The following IQSEC1 variants were observed in gnomAD, a reference collection of about 807,000 sequenced individuals.
The protein encoded by IQSEC1 is IQ motif and SEC7 domain-containing protein 1.
IQSEC1 carries 31 observed loss-of-function variants against 91.0 expected under a neutral mutation model. That is an observed-to-expected ratio of 0.34 (90% CI 0.26 to 0.46). The LOEUF (loss-of-function observed/expected upper bound fraction) is 0.46, where lower values mean the gene tolerates loss of function less well. Ranked by LOEUF, IQSEC1 falls within the 20% of genes least tolerant of loss-of-function variation. IQSEC1 has a pLI of 1.00. For synonymous variants in IQSEC1, 699 were observed against 662.6 expected (o/e 1.05, Z -0.84); for missense variants, 1,388 against 1,575.6 (o/e 0.88, Z 2.02).
chr3:13,085,552 GAGACGGGGTGTCCAGCTGCAGCC>G (rs1204944198), intron 2 of IQSEC1, among the ~76,000 whole-genome samples: 1 of 152,224 alleles, frequency 6.6e-6, no homozygotes, highest in Non-Finnish European at 1.5e-5. Context: ...GAGCCTGCAG[GAGACGGGGTGTCCAGCTGCAGCC>G]AGGTGGGTCC....
intron 2 of IQSEC1, among the ~76,000 whole-genome samples, chr3:13,148,884 C>T (rs9864101): frequency 0.58 from 88,178 of 152,190 alleles, 25,617 homozygotes; most frequent in South Asian, 0.62. Flanking sequence ...GGCGAGACCC[C>T]CTGAAGGGTA....
intron 1 of IQSEC1, among the ~76,000 whole-genome samples, chr3:13,013,089 T>G (rs1327837248): frequency 6.8e-6 from 1 of 146,692 alleles, no homozygotes; most frequent in African/African-American, 2.5e-5. Flanking sequence ...GCCTCCCAAG[T>G]AGCTGGGATT....
At chr3:12,965,415 C>T (rs2125508781) in intron 1 of IQSEC1, among the ~76,000 whole-genome samples, 1 of 152,354 alleles carries the variant, frequency 6.6e-6, no homozygotes, top group African/African-American at 2.4e-5. Context: ...GAGCATCTAG[C>T]TCTGCCTCCA....
chr3:13,279,117 G>A (rs1257262602), intron 1 of IQSEC1, among the ~76,000 whole-genome samples: 1 of 152,196 alleles, frequency 6.6e-6, no homozygotes, highest in Non-Finnish European at 1.5e-5. Context: ...TTGGGTCTGG[G>A]TGATTTTCAA....
intron 3 of IQSEC1, among the ~76,000 whole-genome samples, chr3:12,931,534 C>A (rs1243494256): frequency 6.6e-6 from 1 of 152,216 alleles, no homozygotes; most frequent in East Asian, 1.9e-4. Context: ...CTGCACAGGC[C>A]GGCTCTGCTC....
intron 1 of IQSEC1, among the ~76,000 whole-genome samples, chr3:13,272,020 T>C (rs942765452): frequency 1.3e-4 from 20 of 152,182 alleles, no homozygotes; most frequent in African/African-American, 4.8e-4. Context: ...TTCTCCAGGA[T>C]AGACTGCATC....
chr3:12,985,626 G>C (rs724442), intron 1 of IQSEC1, among the ~76,000 whole-genome samples: 29,306 of 152,236 alleles, frequency 0.19, 3,179 homozygotes, highest in African/African-American at 0.29. Context: ...GGTTCCCCAG[G>C]CCAGAGTGGG....
chr3:12,921,466 G>A (rs114595652), intron 5 of IQSEC1, among the ~76,000 whole-genome samples: 134 of 152,356 alleles, frequency 8.8e-4, no homozygotes, highest in African/African-American at 2.6e-3. Context: ...CAGTCTGCAC[G>A]TGATCCCAGA....
intron 1 of IQSEC1, among the ~76,000 whole-genome samples, chr3:13,219,302 C>A (rs1317312961): frequency 1.3e-5 from 2 of 152,200 alleles, no homozygotes; most frequent in Non-Finnish European, 2.9e-5. Flanking sequence ...TCAGCGGACT[C>A]CAGAACTGGC....
chr3:13,151,018 G>C (rs1303676145), intron 2 of IQSEC1, among the ~76,000 whole-genome samples: 3 of 152,230 alleles, frequency 2.0e-5, no homozygotes, highest in Non-Finnish European at 4.4e-5. Flanking sequence ...CCAGGATGGA[G>C]CTGCAGCCTC....
In IQSEC1 at chr3:12,908,410, G is replaced by A; in HGVS notation, c.2694C>T (p.Ala898=). Residue 898 remains alanine (A), a synonymous_variant, in exon 12 of 14, where the codon GCC becomes GCT. Coordinates refer to ENST00000613206, the MANE Select transcript of IQSEC1 (RefSeq NM_001134382.3). This position sits in a 1 kb window ranked among gnomAD's most constrained non-coding sequence, Gnocchi z 4.9. ...CGCTGCGCTTGAGGCCCTCACCGCT[G>A]GCATAGCTGTCGTCCAGGCAGGCCC... ...LSRACLDDSY[A]SGEGLKRSAL... is the part of the protein sequence containing the mutation. 3 of 1,613,198 alleles carry A rather than the reference G, an allele frequency of 1.9e-6. No homozygotes were observed. Among genetic ancestry groups the A allele is most frequent in the Non-Finnish European group, 2.5e-6 (3 of 1,180,038 alleles).
chr3:13,040,689 A>G (rs563915690), intron 1 of IQSEC1, among the ~76,000 whole-genome samples: 1 of 152,300 alleles, frequency 6.6e-6, no homozygotes, highest in East Asian at 1.9e-4. Flanking sequence ...GCCTTTTGCC[A>G]TGACCCAAAG....
chr3:12,925,322 G>A (rs960601400), intron 3 of IQSEC1, among the ~76,000 whole-genome samples: 2 of 152,178 alleles, frequency 1.3e-5, no homozygotes, highest in Admixed American at 6.5e-5. Context: ...CTGTGCCGCC[G>A]CTGTTGAGGC....
chr3:13,052,659 C>A (rs1008309464), intron 1 of IQSEC1, among the ~76,000 whole-genome samples: 1 of 152,216 alleles, frequency 6.6e-6, no homozygotes, highest in Non-Finnish European at 1.5e-5. Context: ...CACACTCCCA[C>A]CAGCAACGGG....
intron 1 of IQSEC1, among the ~76,000 whole-genome samples, chr3:13,230,318 C>T (rs1218879165): frequency 6.6e-6 from 1 of 152,058 alleles, no homozygotes; most frequent in Admixed American, 6.5e-5. Context: ...CTCAAACGCT[C>T]ACAAAATTGA....
chr3:13,180,393 T>C (rs1433555689), intron 1 of IQSEC1, among the ~76,000 whole-genome samples: 2 of 151,952 alleles, frequency 1.3e-5, no homozygotes, highest in Non-Finnish European at 2.9e-5. Flanking sequence ...ATCTAGCTAA[T>C]CTAGTGGGGA....
chr3:13,126,517 T>C (rs1301637210), intron 2 of IQSEC1, among the ~76,000 whole-genome samples: 1 of 152,248 alleles, frequency 6.6e-6, no homozygotes, highest in East Asian at 1.9e-4. Flanking sequence ...ACATATGCTT[T>C]CATCTGTCTC....
At chr3:13,108,039 AG>A (rs1205922744) in intron 2 of IQSEC1, among the ~76,000 whole-genome samples, 2 of 42,136 alleles carry the variant, frequency 4.7e-5, no homozygotes, top group Middle Eastern at 0.015. Context: ...AAAAGCATAA[AG>A]GAAAAAAAAG....
rs529518471 is a variant in IQSEC1, at chr3:13,256,447, G to C, written c.272+26264C>G. 3.3e-5 allele frequency among the ~76,000 whole-genome samples: 5 copies of C among 152,296 alleles called. No homozygotes were observed. The East Asian group carries it at 9.6e-4, about 29-fold the overall frequency. On this transcript the variant is annotated intron_variant, in intron 1 of 15. Coordinates refer to the IQSEC1 transcript ENST00000648114. ...ATTATTTCACAAAGTTGCCTGTTCA[G>C]CAAGTACCAACTGTGGTTATAACCC... is the stretch of plus-strand genomic sequence containing the variant.
Sources: gnomAD v4.1 joint callset for allele counts (sites outside exome capture counted in the v4.1 genomes callset) on GRCh38, gnomAD v4.1.1 for gene constraint, Gnocchi (gnomAD v3.1) non-coding constraint, MANE v1.5 for transcripts, NCBI Gene and HGNC (gene_info 2026-07-23, HGNC 2026-07-21) for gene names.